RORA: variants seen among roughly 807,000 people sequenced by gnomAD.
RORA encodes nuclear receptor ROR-alpha.
A neutral mutation model predicts 69.5 loss-of-function variants in RORA; 7 were observed. The observed-to-expected ratio is 0.10, with a 90% CI of 0.06 to 0.19. RORA has a LOEUF of 0.19. RORA is among the 10% of genes least tolerant of loss of function. The pLI, the probability that RORA is intolerant of heterozygous loss-of-function variation, is 1.00. For missense variants in RORA, 457 were observed against 663.0 expected (o/e 0.69, Z 3.41); for synonymous variants, 261 against 240.8 (o/e 1.08, Z -0.78).
chr15:60,674,885 G>T (rs1170660883), intron 2 of RORA, among the ~76,000 whole-genome samples: 1 of 152,118 alleles, frequency 6.6e-6, no homozygotes, highest in African/African-American at 2.4e-5. Context: ...GGCAGGGCAG[G>T]CTAGGACAAG....
chr15:60,846,418 C>T (rs1472643465), intron 1 of RORA, among the ~76,000 whole-genome samples: 1 of 152,228 alleles, frequency 6.6e-6, no homozygotes, highest in Non-Finnish European at 1.5e-5. Flanking sequence ...TCCACACTAT[C>T]ACGTCCTTAT....
intron 1 of RORA, among the ~76,000 whole-genome samples, chr15:61,218,039 A>G (rs1816589048): frequency 6.6e-6 from 1 of 152,302 alleles, no homozygotes. Flanking sequence ...TGCCCAGGAC[A>G]AGGTTTTCAA....
At chr15:60,814,703 C>G (rs1373528610) in intron 1 of RORA, among the ~76,000 whole-genome samples, 4 of 152,168 alleles carry the variant, frequency 2.6e-5, no homozygotes, top group Non-Finnish European at 5.9e-5. Flanking sequence ...TTCCATTTCC[C>G]TCCCCACCTT....
At chr15:60,858,667 TCA>T (rs1767792163) in intron 1 of RORA, among the ~76,000 whole-genome samples, 1 of 140,182 alleles carries the variant, frequency 7.1e-6, no homozygotes, top group Non-Finnish European at 1.6e-5. Context: ...CTCTGAGTTT[TCA>T]GATTCATTAA....
intron 1 of RORA, among the ~76,000 whole-genome samples, chr15:60,946,864 G>A (rs1205047197): frequency 1.3e-5 from 2 of 151,008 alleles, no homozygotes; most frequent in Non-Finnish European, 3.0e-5. Flanking sequence ...GATGTGGGGA[G>A]CGCCTCTGCC....
intron 1 of RORA, among the ~76,000 whole-genome samples, chr15:60,978,971 T>TTTTTG (rs1309073487): frequency 1.5e-5 from 2 of 137,098 alleles, no homozygotes; most frequent in Non-Finnish European, 3.1e-5. Flanking sequence ...CTTTTTTTTT[T>TTTTTG]TTTTTTTTGA....
At chr15:60,678,958 G>A (rs1471145894) in intron 1 of RORA, among the ~76,000 whole-genome samples, 6 of 152,162 alleles carry the variant, frequency 3.9e-5, no homozygotes, top group South Asian at 4.1e-4. Flanking sequence ...TAAACAGGAC[G>A]CGAGGAGACT....
intron 1 of RORA, among the ~76,000 whole-genome samples, chr15:60,793,006 C>T (rs756107731): frequency 6.6e-6 from 1 of 151,802 alleles, no homozygotes; most frequent in Non-Finnish European, 1.5e-5. Context: ...CCTTCCTCCC[C>T]ATCCCCACCA....
chr15:60,902,920 T>C (rs1357863458), intron 1 of RORA, among the ~76,000 whole-genome samples: 2 of 152,220 alleles, frequency 1.3e-5, no homozygotes, highest in African/African-American at 4.8e-5. Context: ...GATTTATAAA[T>C]GCTCACGTTT....
chr15:60,807,911 A>T (rs754447146), intron 1 of RORA, among the ~76,000 whole-genome samples: 7 of 152,232 alleles, frequency 4.6e-5, no homozygotes, highest in Non-Finnish European at 7.3e-5. Flanking sequence ...CTTTCACCTT[A>T]TACAAATATC....
At chr15:60,968,254 G>C (rs1893613583) in intron 1 of RORA, among the ~76,000 whole-genome samples, 1 of 152,150 alleles carries the variant, frequency 6.6e-6, no homozygotes, top group African/African-American at 2.4e-5. Flanking sequence ...ACTCTGGAAG[G>C]GCACTTGGGA....
At chr15:60,754,582 C>T (rs1022884636) in intron 1 of RORA, among the ~76,000 whole-genome samples, 2 of 152,170 alleles carry the variant, frequency 1.3e-5, no homozygotes, top group African/African-American at 4.8e-5. Context: ...AACTTTGACG[C>T]CCTTCCCTCA....
At chr15:60,536,928 T>C (rs1444391263) in intron 2 of RORA, among the ~76,000 whole-genome samples, 2 of 152,256 alleles carry the variant, frequency 1.3e-5, no homozygotes, top group African/African-American at 4.8e-5. Context: ...ATGTTAGATA[T>C]TTCTCTAATG....
At chr15:60,983,561 T>A (rs1894108834) in intron 1 of RORA, among the ~76,000 whole-genome samples, 1 of 152,312 alleles carries the variant, frequency 6.6e-6, no homozygotes, top group Non-Finnish European at 1.5e-5. Context: ...TGAAGCCTGC[T>A]ACCCAGAGGC....
At chr15:60,846,620 G>A (rs955671951) in intron 1 of RORA, among the ~76,000 whole-genome samples, 2 of 152,166 alleles carry the variant, frequency 1.3e-5, no homozygotes, top group Middle Eastern at 3.2e-3. Context: ...ACACATTAGA[G>A]CTTTTGTCAC....
chr15:60,778,274 C>T (rs1299370514), intron 1 of RORA, among the ~76,000 whole-genome samples: 1 of 151,144 alleles, frequency 6.6e-6, no homozygotes, highest in Non-Finnish European at 1.5e-5. Context: ...GGTCTGATGG[C>T]TCTCTAAAGG....
At chr15:60,961,236 AC>A in intron 1 of RORA, among the ~76,000 whole-genome samples, 1 of 152,262 alleles carries the variant, frequency 6.6e-6, no homozygotes, top group South Asian at 2.1e-4. Flanking sequence ...ACTGTTAGTC[AC>A]CTGAAGCTGG....
At chr15:60,567,750 A>G (rs2140442015) in intron 2 of RORA, among the ~76,000 whole-genome samples, 1 of 152,300 alleles carries the variant, frequency 6.6e-6, no homozygotes, top group African/African-American at 2.4e-5. Context: ...CTACCATTGC[A>G]TGAGTTCATA....
rs184909144 is a variant in RORA at position 60,613,289 on chromosome 15, A to T, written c.196+65368T>A. On this transcript the variant is annotated intron_variant, in intron 2 of 10. Coordinates refer to ENST00000335670, the MANE Select transcript of RORA (RefSeq NM_134261.3). The stretch of plus-strand genomic sequence containing the variant: ...ATACAGGGGCGTCACTTGACCATAA[A>T]ACCTTCTCTATTTCCTTCTCTTTGT... Among the ~76,000 whole-genome samples, 404 of 152,246 alleles carry T rather than the reference A, an allele frequency of 2.7e-3. 2 individuals are homozygous for T. Among genetic ancestry groups the T allele is most frequent in the African/African-American group, 8.9e-3 (369 of 41,530 alleles).
Sources: gnomAD v4.1 joint callset for allele counts (sites outside exome capture counted in the v4.1 genomes callset) on GRCh38, gnomAD v4.1.1 for gene constraint, MANE v1.5 for transcripts, NCBI Gene and HGNC (gene_info 2026-07-23, HGNC 2026-07-21) for gene names.